The following TCERG1L variants were observed in gnomAD, a reference collection of about 807,000 sequenced individuals.
The protein encoded by TCERG1L is transcription elongation regulator 1-like protein.
In TCERG1L, 37 loss-of-function variants were observed where a neutral mutation model predicts 56.3. That is an observed-to-expected ratio of 0.66 (90% CI 0.51 to 0.87). TCERG1L has a LOEUF of 0.87. TCERG1L is among the 40% of genes least tolerant of loss of function. The pLI is 0.00. For missense variants in TCERG1L, 799 were observed against 774.2 expected, an observed-to-expected ratio of 1.03 and a Z score of -0.38; for synonymous variants, 324 against 326.3, an observed-to-expected ratio of 0.99 and a Z score of 0.08.
At chr10:131,298,178 C>T (rs530373204) in intron 3 of TCERG1L, among the ~76,000 whole-genome samples, 83 of 149,526 alleles carry the variant, frequency 5.6e-4, no homozygotes, top group Non-Finnish European at 9.9e-4. Context: ...CGTTTTAATG[C>T]TATAAATGTC....
chr10:131,208,509 G>A (rs558850072), intron 4 of TCERG1L, among the ~76,000 whole-genome samples: 1 of 152,312 alleles, frequency 6.6e-6, no homozygotes, highest in South Asian at 2.1e-4. Context: ...CTCATGTTGT[G>A]TCTGAGCAGA....
At chr10:131,274,322 C>T (rs1031764466) in intron 3 of TCERG1L, among the ~76,000 whole-genome samples, 2 of 152,214 alleles carry the variant, frequency 1.3e-5, no homozygotes, top group Non-Finnish European at 2.9e-5. Context: ...CAGAGCGGCA[C>T]CTGCTCAAGG....
At chr10:131,310,494 T>C (rs1024425571) in intron 1 of TCERG1L, among the ~76,000 whole-genome samples, 36 of 152,368 alleles carry the variant, frequency 2.4e-4, no homozygotes, top group East Asian at 1.3e-3. Flanking sequence ...AATATGCTAA[T>C]GAGGTCAATC....
chr10:131,127,994 A>G (rs1029656868), intron 8 of TCERG1L, among the ~76,000 whole-genome samples: 3 of 152,244 alleles, frequency 2.0e-5, no homozygotes, highest in Non-Finnish European at 4.4e-5. Context: ...TCAGCTGACT[A>G]TTCAAAAAGA....
At chr10:131,253,126 C>T (rs922583052) in intron 4 of TCERG1L, among the ~76,000 whole-genome samples, 28 of 152,222 alleles carry the variant, frequency 1.8e-4, no homozygotes, top group African/African-American at 6.3e-4. Context: ...GCCTGCCAGG[C>T]GGACCCAGCT....
At chr10:131,275,274 A>G (rs1327175629) in intron 3 of TCERG1L, among the ~76,000 whole-genome samples, 1 of 152,150 alleles carries the variant, frequency 6.6e-6, no homozygotes, top group East Asian at 1.9e-4. Flanking sequence ...CTCTCCACAC[A>G]CTGGACAGAA....
intron 4 of TCERG1L, among the ~76,000 whole-genome samples, chr10:131,180,563 C>T (rs1296328538): frequency 6.6e-6 from 1 of 152,120 alleles, no homozygotes; most frequent in Non-Finnish European, 1.5e-5. Flanking sequence ...ACTGCTGATA[C>T]GATTGTGTAG....
chr10:131,201,914 G>C (rs1156306220), intron 4 of TCERG1L, among the ~76,000 whole-genome samples: 1 of 152,182 alleles, frequency 6.6e-6, no homozygotes. Context: ...GACGAGGAAA[G>C]AGCCAATGAA....
In TCERG1L at chr10:131,126,584, C is replaced by T. The variant is rs180978726; in HGVS notation, c.1259+7795G>A. Among the ~76,000 whole-genome samples, 5 of 152,340 alleles carry T rather than the reference C, an allele frequency of 3.3e-5. No individual in the cohort carries two copies. In the East Asian group the frequency reaches 9.7e-4, roughly 29 times the overall value. On this transcript the variant is annotated intron_variant, in intron 8 of 11. Coordinates refer to ENST00000368642, the MANE Select transcript of TCERG1L (RefSeq NM_174937.4). ...AGCTCTGGCCTGAGCTCCTGCTTTG[C>T]GACAGACTCTGCTGGGGACCGTGTT...
chr10:131,197,007 CAGA>C (rs1337777555), intron 4 of TCERG1L, among the ~76,000 whole-genome samples: 1 of 152,128 alleles, frequency 6.6e-6, no homozygotes, highest in Admixed American at 6.5e-5. Flanking sequence ...TCCAGGGAAT[CAGA>C]AGGAGAGGAA....
intron 3 of TCERG1L, among the ~76,000 whole-genome samples, chr10:131,297,256 G>GT (rs565775055): frequency 1.2e-3 from 176 of 152,190 alleles, no homozygotes; most frequent in African/African-American, 4.1e-3. Context: ...GTTACACACG[G>GT]TTTTTTGTAT....
intron 3 of TCERG1L, among the ~76,000 whole-genome samples, chr10:131,292,305 C>T (rs192109362): frequency 6.6e-6 from 1 of 152,216 alleles, no homozygotes; most frequent in African/African-American, 2.4e-5. Context: ...TTCCTGTGGT[C>T]GATTGATGGG....
rs115065148 is a variant in TCERG1L at position 131,310,766 on chromosome 10, C to A, written c.342+528G>T. Among the ~76,000 whole-genome samples the A allele has an allele frequency of 6.8e-3, 1,030 of 152,302 alleles. 11 individuals are homozygous for A. The highest frequency in any genetic ancestry group is 0.023 in the African/African-American group (970 of 41,566). ...CCTCAGTACCGAAGGCAGGATTTCC[C>A]GGCCACTTCCGTCGGTTGGAATTCT... is the stretch of plus-strand genomic sequence containing the variant. On this transcript the variant is annotated intron_variant, in intron 1 of 11. Transcript: ENST00000368642.
chr10:131,233,842 G>C (rs1321194647), intron 4 of TCERG1L, among the ~76,000 whole-genome samples: 1 of 152,140 alleles, frequency 6.6e-6, no homozygotes, highest in Non-Finnish European at 1.5e-5. Context: ...GGGTCAGAGG[G>C]GTGGATCCCT....
chr10:131,134,753 C>T (rs1357773427), intron 7 of TCERG1L, among the ~76,000 whole-genome samples: 1 of 152,134 alleles, frequency 6.6e-6, no homozygotes, highest in East Asian at 1.9e-4. Flanking sequence ...TGCTCAGCCT[C>T]AAGACGAGGC....
intron 4 of TCERG1L, among the ~76,000 whole-genome samples, chr10:131,231,673 G>A (rs1845853613): frequency 6.6e-6 from 1 of 152,198 alleles, no homozygotes; most frequent in African/African-American, 2.4e-5. Flanking sequence ...TCCTGGTTCA[G>A]CATCCAGCGC....
intron 6 of TCERG1L, among the ~76,000 whole-genome samples, chr10:131,160,462 CCTCT>C (rs1263472702): frequency 6.6e-6 from 1 of 152,190 alleles, no homozygotes; most frequent in Non-Finnish European, 1.5e-5. Flanking sequence ...CCCGCCACTC[CCTCT>C]GACCACAGCC....
intron 4 of TCERG1L, among the ~76,000 whole-genome samples, chr10:131,206,459 AG>A (rs928090076): frequency 1.4e-4 from 21 of 152,196 alleles, no homozygotes; most frequent in Non-Finnish European, 2.9e-4. Context: ...CCTCAAAGGA[AG>A]GGGCACGAGG....
At chr10:131,251,875 T>C (rs1589762129) in intron 4 of TCERG1L, among the ~76,000 whole-genome samples, 1 of 152,188 alleles carries the variant, frequency 6.6e-6, no homozygotes, top group Non-Finnish European at 1.5e-5. Context: ...GTCACCACCA[T>C]CCACACTCCG....
Sources: gnomAD v4.1 joint callset for allele counts (sites outside exome capture counted in the v4.1 genomes callset) on GRCh38, gnomAD v4.1.1 for gene constraint, MANE v1.5 for transcripts, NCBI Gene and HGNC (gene_info 2026-07-23, HGNC 2026-07-21) for gene names.